Variants in SLCO2A1 observed in about 807,000 individuals in gnomAD.
The protein encoded by SLCO2A1 is matrin F/G 1.
A neutral mutation model predicts 71.7 loss-of-function variants in SLCO2A1; 60 were observed. The observed-to-expected ratio is 0.84, with a 90% CI of 0.68 to 1.04. The LOEUF (loss-of-function observed/expected upper bound fraction) is 1.04, where lower values mean the gene tolerates loss of function less well. SLCO2A1 is among the 50% of genes least tolerant of loss of function. The pLI is 0.00. For missense variants in SLCO2A1, 745 were observed against 813.4 expected (o/e 0.92, Z 1.02); for synonymous variants, 308 against 326.7 (o/e 0.94, Z 0.62).
At chr3:133,989,819 C>G (rs541275277) in intron 1 of SLCO2A1, among the ~76,000 whole-genome samples, 1 of 152,322 alleles carries the variant, frequency 6.6e-6, no homozygotes, top group East Asian at 1.9e-4. Flanking sequence ...CCTGTTACTA[C>G]AGAAGAGGAT....
chr3:133,979,488 A>T lies in SLCO2A1; in HGVS notation c.227T>A (p.Leu76Ter). Residue 76 changes from leucine (L) to a stop codon, truncating the protein, a stop_gained, in exon 2 of 14, where the codon TTG becomes TAG. Transcript: ENST00000310926. LOFTEE classifies it high-confidence loss of function. ...CCAGAACCTCCTGCTCACCTCATTC[A>T]AGCTGGAAATGAGACCCGATGAAGA... ...SSSSSGLISS[L>*]NEISNAILII... is the part of the protein sequence containing the mutation. 1 of 1,614,168 alleles carries T rather than the reference A, an allele frequency of 6.2e-7. No individual in the cohort carries two copies. Among genetic ancestry groups the T allele is most frequent in the Non-Finnish European group, 8.5e-7 (1 of 1,180,018 alleles).
At chr3:133,953,872 C>G (rs1933815448) in intron 4 of SLCO2A1, 111 bp from the exon 5 acceptor site, 2 of 775,960 alleles carry the variant, frequency 2.6e-6, no homozygotes, top group African/African-American at 3.4e-5. Flanking sequence ...TGTTCCCAAG[C>G]CTGATAAGCC....
intron 1 of SLCO2A1, among the ~76,000 whole-genome samples, chr3:134,018,461 T>A (rs1935507786): frequency 1.3e-5 from 2 of 152,184 alleles, no homozygotes; most frequent in Non-Finnish European, 2.9e-5. Flanking sequence ...TCCCCCCATT[T>A]TTTGGTCCTC....
In SLCO2A1 at chr3:133,938,432, G is replaced by A. The variant is rs775730330; in HGVS notation, c.1687C>T (p.Leu563=). Residue 563 remains leucine, a synonymous_variant, in exon 12 of 14, where the codon CTG becomes TTG. Transcript: ENST00000310926. ...IGVQFLLMRL[L]AWLPSPALYG... is the part of the protein sequence containing the mutation. Reference sequence around the variant, plus strand: ...AAGAGGGGTCTTAGACACTTACCCAGCAAGCGCATCAACAAGAACTGCACC... The same window carrying A: ...AAGAGGGGTCTTAGACACTTACCCAACAAGCGCATCAACAAGAACTGCACC... 9 of 1,613,916 alleles carry A rather than the reference G, an allele frequency of 5.6e-6. 1 individual carries two copies. The highest frequency in any genetic ancestry group is 5.9e-6 in the Non-Finnish European group (7 of 1,179,914).
chr3:133,936,843 AG>A (rs984648639), intron 12 of SLCO2A1, among the ~76,000 whole-genome samples: 1 of 152,210 alleles, frequency 6.6e-6, no homozygotes, highest in African/African-American at 2.4e-5. Context: ...CCAGGTGAAC[AG>A]GGGGATGAAA....
At chr3:134,006,020 T>C (rs921335499) in intron 1 of SLCO2A1, among the ~76,000 whole-genome samples, 8 of 152,270 alleles carry the variant, frequency 5.3e-5, no homozygotes, top group Admixed American at 3.3e-4. Context: ...TTTTAAAAAT[T>C]GTGATAAAAT....
intron 1 of SLCO2A1, among the ~76,000 whole-genome samples, chr3:134,007,127 T>TA (rs574590397): frequency 1.0e-3 from 157 of 152,266 alleles, no homozygotes; most frequent in Non-Finnish European, 2.1e-3. Context: ...GTATCATTTT[T>TA]AGAGAAATGT....
rs79523844 is a variant in SLCO2A1, at chr3:133,963,837, T to C, written c.398-8644A>G. 3.4e-3 allele frequency among the ~76,000 whole-genome samples: 503 copies of C among 149,250 alleles called. 5 individuals are homozygous for C. The highest frequency in any genetic ancestry group is 0.013 in the African/African-American group (490 of 38,858). On this transcript the variant is annotated intron_variant, in intron 3 of 13. Coordinates refer to ENST00000310926, the MANE Select transcript of SLCO2A1 (RefSeq NM_005630.3). Reference sequence around the variant, plus strand: ...CTGAAGGACTTATTTCCTCATCTCCTAAATTCAGCTACTCTACAGTTCCTC... The same window carrying C: ...CTGAAGGACTTATTTCCTCATCTCCCAAATTCAGCTACTCTACAGTTCCTC...
At chr3:133,975,348 A>G (rs190051144) in intron 2 of SLCO2A1, among the ~76,000 whole-genome samples, 1 of 152,148 alleles carries the variant, frequency 6.6e-6, no homozygotes, top group East Asian at 1.9e-4. Context: ...TCACACTCAT[A>G]TCTAATCGAT....
intron 1 of SLCO2A1, among the ~76,000 whole-genome samples, chr3:134,028,042 A>AT (rs1315461322): frequency 6.6e-6 from 1 of 152,226 alleles, no homozygotes; most frequent in African/African-American, 2.4e-5. Flanking sequence ...GTGTGGTTAA[A>AT]TCATCAACAC....
intron 3 of SLCO2A1, among the ~76,000 whole-genome samples, chr3:133,968,443 C>T (rs1028897161): frequency 6.6e-5 from 10 of 152,154 alleles, no homozygotes; most frequent in African/African-American, 1.9e-4. Flanking sequence ...CGAGGCTCCC[C>T]GGCCCTGTGC....
intron 1 of SLCO2A1, among the ~76,000 whole-genome samples, chr3:133,980,768 G>A (rs1162804261): frequency 6.6e-6 from 1 of 152,190 alleles, no homozygotes; most frequent in Non-Finnish European, 1.5e-5. Flanking sequence ...GAACCTTTGC[G>A]AGGCCAGCTT....
At chr3:133,984,626 C>T (rs1029092408) in intron 1 of SLCO2A1, among the ~76,000 whole-genome samples, 1 of 152,204 alleles carries the variant, frequency 6.6e-6, no homozygotes. Flanking sequence ...ATATGGCCAG[C>T]ATGTGACAGA....
At chr3:133,978,435 G>A (rs1406064666) in intron 2 of SLCO2A1, among the ~76,000 whole-genome samples, 1 of 152,142 alleles carries the variant, frequency 6.6e-6, no homozygotes, top group African/African-American at 2.4e-5. Flanking sequence ...ACAGGAAAGT[G>A]GTCCTGGGGT....
Position 134,015,433 on chromosome 3 carries a change from G to A in SLCO2A1, c.96+14274C>T, listed in dbSNP as rs1935427809. On this transcript the variant is annotated intron_variant, in intron 1 of 13. Transcript: ENST00000310926. ...AGTAGAATGATGGTTACAGAGGCTG[G>A]GGGTGGGGTGGGAGGGGGGAAATGG... Among the ~76,000 whole-genome samples, 3 of 152,024 alleles carry A rather than the reference G, an allele frequency of 2.0e-5. No individual in the cohort carries two copies. The South Asian group carries it at 6.3e-4, about 32-fold the overall frequency.
chr3:133,968,593 G>A (rs1271529758), intron 3 of SLCO2A1, among the ~76,000 whole-genome samples: 1 of 152,186 alleles, frequency 6.6e-6, no homozygotes, highest in Non-Finnish European at 1.5e-5. Flanking sequence ...GTGCTCCCCT[G>A]CCCCTCCTTA....
intron 7 of SLCO2A1, 73 bp from the exon 8 acceptor site, chr3:133,948,773 A>T (rs1933654366): frequency 1.9e-6 from 3 of 1,593,622 alleles, no homozygotes; most frequent in Non-Finnish European, 2.6e-6. Context: ...TGGGCCAGTT[A>T]CAGGCCCTCT....
rs751152558 is a variant in SLCO2A1, at chr3:133,973,680, T to C, written c.380A>G (p.Tyr127Cys). The C allele has an allele frequency of 1.2e-6, 2 of 1,613,780 alleles. No homozygotes were observed. Among genetic ancestry groups the C allele is most frequent in the Admixed American group, 1.7e-5 (1 of 59,992 alleles). The change falls in exon 3 of 14, where the codon TAC (tyrosine) becomes TGC (cysteine). Residue 127 changes from tyrosine to cysteine, a missense_variant. Transcript: ENST00000310926. ...CCACTCACCAGTGCTGGCCAAGGTG[T>C]ACTGGTAGGGCTCGGAGAGGAAGTG... ...LPHFLSEPYQ[Y>C]TLASTGNNSR... is the part of the protein sequence containing the mutation.
At chr3:134,016,824 G>A (rs766757775) in intron 1 of SLCO2A1, among the ~76,000 whole-genome samples, 5 of 152,084 alleles carry the variant, frequency 3.3e-5, no homozygotes, top group African/African-American at 1.2e-4. Context: ...ATTATGGTAC[G>A]GTCATACCAT....
Sources: gnomAD v4.1 joint callset for allele counts (sites outside exome capture counted in the v4.1 genomes callset) on GRCh38, gnomAD v4.1.1 for gene constraint, MANE v1.5 for transcripts, NCBI Gene and HGNC (gene_info 2026-07-23, HGNC 2026-07-21) for gene names.